The following CDH23 variants were observed in gnomAD, a reference collection of about 807,000 sequenced individuals.
CDH23 encodes the protein cadherin related 23.
In CDH23, 189 loss-of-function variants were observed where a neutral mutation model predicts 317.1. That is an observed-to-expected ratio of 0.60 (90% CI 0.53 to 0.67). CDH23 has a LOEUF of 0.67. Among genes scored for constraint, CDH23 ranks in the 30% least tolerant of loss-of-function variants. CDH23 has a pLI of 0.00. For synonymous variants in CDH23, 1,839 were observed against 1,876.8 expected, an observed-to-expected ratio of 0.98 and a Z score of 0.52; for missense variants, 4,401 against 4,592.4, an observed-to-expected ratio of 0.96 and a Z score of 1.20.
intron 38 of CDH23, among the ~76,000 whole-genome samples, chr10:71,759,846 C>CACACACACACACACATATAT (rs776230069): frequency 3.3e-5 from 2 of 59,932 alleles, no homozygotes; most frequent in African/African-American, 1.2e-4. Flanking sequence ...CACACACACA[C>CACACACACACACACATATAT]ATATACACAC....
chr10:71,418,167 G>A (rs1848610086), intron 1 of CDH23, among the ~76,000 whole-genome samples: 1 of 151,982 alleles, frequency 6.6e-6, no homozygotes, highest in South Asian at 2.1e-4. Flanking sequence ...AGTCACCTAT[G>A]GGCTTGTTTT....
In CDH23 at chr10:71,808,013, G is replaced by T. The variant is rs2132990850; in HGVS notation, c.8722+6G>T. On this transcript the variant is annotated splice_donor_region_variant and intron_variant, in intron 60 of 69. Transcript: ENST00000224721. ...GGGCCAGGTCTTCACCATGGGTAGGGCCTGGCAGCACATGAGTGGCCTCTA... is the reference window on the plus strand; with the variant it reads ...GGGCCAGGTCTTCACCATGGGTAGGTCCTGGCAGCACATGAGTGGCCTCTA... 6.3e-6 allele frequency: 10 copies of T among 1,577,262 alleles called. No individual in the cohort carries two copies. The highest frequency in any genetic ancestry group is 8.6e-6 in the Non-Finnish European group (10 of 1,161,058).
intron 11 of CDH23, among the ~76,000 whole-genome samples, chr10:71,625,328 A>T (rs1472781798): frequency 7.1e-6 from 1 of 140,446 alleles, no homozygotes; most frequent in Admixed American, 7.5e-5. Context: ...CATTTATTTG[A>T]GGGGCATAGA....
intron 28 of CDH23, among the ~76,000 whole-genome samples, chr10:71,723,128 A>G (rs1392285659): frequency 1.3e-5 from 2 of 152,210 alleles, no homozygotes; most frequent in East Asian, 3.8e-4. Flanking sequence ...AAGAAGGGGC[A>G]GACCCAAAAG....
At chr10:71,553,982 C>T (rs1428529948) in intron 6 of CDH23, among the ~76,000 whole-genome samples, 1 of 152,220 alleles carries the variant, frequency 6.6e-6, no homozygotes, top group African/African-American at 2.4e-5. Flanking sequence ...GACCTTCCCA[C>T]CATAAGTAAC....
At chr10:71,776,349 G>A (rs529596741) in intron 38 of CDH23, among the ~76,000 whole-genome samples, 1 of 152,244 alleles carries the variant, frequency 6.6e-6, no homozygotes, top group Admixed American at 6.5e-5. Context: ...CAGTCCCAAG[G>A]AAAAAACCAT....
Position 71,536,537 on chromosome 10 carries a change from G to A in CDH23, c.429+25325G>A, listed in dbSNP as rs531256069. On this transcript the variant is annotated intron_variant, in intron 6 of 69. Coordinates refer to ENST00000224721, the MANE Select transcript of CDH23 (RefSeq NM_022124.6). The stretch of plus-strand genomic sequence containing the variant: ...AATGAGAGTAGGCTGGGAGGAGGAC[G>A]ATCACGAAAACAGGAAATGAGTGGA... Among the ~76,000 whole-genome samples, 38 of 152,312 alleles carry A rather than the reference G, an allele frequency of 2.5e-4. No homozygotes were observed. In the South Asian group the frequency reaches 6.4e-3, roughly 26 times the overall value.
rs1240329145 is a variant in CDH23 at position 71,799,204 on chromosome 10, C to A, written c.7148C>A (p.Ala2383Glu). The change falls in exon 51 of 70, where the codon GCA becomes GAA. Residue 2383 changes from alanine to glutamate, a missense_variant. Transcript: ENST00000224721. ...TCAGACAACGGGTCCCCGCCCCGGG[C>A]AGCTGAGATCCCTGTCTACCTGGAA... ...RASDNGSPPR[A>E]AEIPVYLEIV... is the part of the protein sequence containing the mutation. 3.1e-6 allele frequency: 5 copies of A among 1,613,932 alleles called. No homozygotes were observed. Among genetic ancestry groups the A allele is most frequent in the Non-Finnish European group, 4.2e-6 (5 of 1,179,902 alleles).
rs751858237 is a variant in CDH23 at position 71,739,627 on chromosome 10, C to T, written c.4360-17C>T. ...CCTCCACACCTGCTCACCCCTCACCCTCTCTTCTCCCCACAGGTGGTCTTC... is the reference window on the plus strand; with the variant it reads ...CCTCCACACCTGCTCACCCCTCACCTTCTCTTCTCCCCACAGGTGGTCTTC... On this transcript the variant is annotated splice_polypyrimidine_tract_variant and intron_variant, in intron 35 of 69. Transcript: ENST00000224721. The T allele has an allele frequency of 1.2e-5, 19 of 1,611,376 alleles. No individual in the cohort carries two copies. The Admixed American group carries it at 1.7e-4, about 14-fold the overall frequency.
intron 30 of CDH23, among the ~76,000 whole-genome samples, chr10:71,728,579 G>T (rs573642658): frequency 1.3e-5 from 2 of 152,140 alleles, no homozygotes; most frequent in African/African-American, 4.8e-5. Flanking sequence ...AGACACACAC[G>T]CCTCTGCTGC....
At chr10:71,484,278 C>T (rs1442906399) in intron 3 of CDH23, among the ~76,000 whole-genome samples, 6 of 152,334 alleles carry the variant, frequency 3.9e-5, no homozygotes, top group Admixed American at 6.5e-5. Flanking sequence ...GTGGTAGGGA[C>T]GCAGATAAGC....
chr10:71,741,701 G>A lies in CDH23; in HGVS notation c.4625G>A (p.Gly1542Asp), dbSNP rs781339262. ...GYNVSVNENV[G>D]GGTAVVQVRA... Reference sequence around the variant, plus strand: ...CTCCTGCTCTCCTCCCAGAACGTGGGTGGAGGTACTGCTGTGGTCCAGGTG... The same window carrying A: ...CTCCTGCTCTCCTCCCAGAACGTGGATGGAGGTACTGCTGTGGTCCAGGTG... Residue 1542 changes from glycine to aspartate, a missense_variant, in exon 38 of 70, where the codon GGT becomes GAT. Gly to Asp is a moderately conservative substitution (Grantham distance 94). Transcript: ENST00000224721. 110 of 1,608,182 alleles carry A rather than the reference G, an allele frequency of 6.8e-5. 1 individual carries two copies. The highest frequency in any genetic ancestry group is 5.7e-5 in the Non-Finnish European group (67 of 1,177,262).
In CDH23 at chr10:71,524,152, A is replaced by G. The variant is rs115024282; in HGVS notation, c.429+12940A>G. ...TAATTACTCACATATATGCAGGACT[A>G]TTTGATCACTGTTAGCTTCTTACGG... On this transcript the variant is annotated intron_variant, in intron 6 of 69. Coordinates refer to ENST00000224721, the MANE Select transcript of CDH23 (RefSeq NM_022124.6). 1.7e-3 allele frequency among the ~76,000 whole-genome samples: 262 copies of G among 152,334 alleles called. 2 individuals carry two copies. Among genetic ancestry groups the G allele is most frequent in the African/African-American group, 6.1e-3 (253 of 41,560 alleles).
chr10:71,437,523 G>T (rs1849672140), intron 1 of CDH23, among the ~76,000 whole-genome samples: 1 of 152,210 alleles, frequency 6.6e-6, no homozygotes, highest in Non-Finnish European at 1.5e-5. Context: ...CAAGTTTCTT[G>T]TATGTAGAGG....
rs546480198 is a variant in CDH23, at chr10:71,808,473, C to T, written c.8722+466C>T. Among the ~76,000 whole-genome samples, 19 of 152,334 alleles carry T rather than the reference C, an allele frequency of 1.2e-4. No individual in the cohort carries two copies. In the East Asian group the frequency reaches 2.5e-3, roughly 20 times the overall value. On this transcript the variant is annotated intron_variant, in intron 60 of 69. Transcript: ENST00000224721. ...TGCCTGTTTTTTCAGTTGCGCACAT[C>T]GCCTTCCCCTATGTCAGGCATTGTG... is the stretch of plus-strand genomic sequence containing the variant.
At chr10:71,452,159 T>C (rs1032082728) in intron 3 of CDH23, among the ~76,000 whole-genome samples, 5 of 152,180 alleles carry the variant, frequency 3.3e-5, no homozygotes, top group Admixed American at 3.3e-4. Flanking sequence ...CTTGGGGCCC[T>C]GAGCCATGGC....
intron 3 of CDH23, among the ~76,000 whole-genome samples, chr10:71,485,529 A>G (rs1258205300): frequency 6.6e-6 from 1 of 152,164 alleles, no homozygotes; most frequent in Non-Finnish European, 1.5e-5. Flanking sequence ...TCTTTGTTTG[A>G]GAGGATATTC....
At chr10:71,810,707 G>C (rs1002015521) in intron 62 of CDH23, 138 bp downstream of exon 62, 3 of 763,620 alleles carry the variant, frequency 3.9e-6, no homozygotes. Flanking sequence ...CCCAGACTGG[G>C]GCAGGGCTAG....
At chr10:71,691,985 A>G (rs1167545166) in intron 20 of CDH23, among the ~76,000 whole-genome samples, 1 of 152,156 alleles carries the variant, frequency 6.6e-6, no homozygotes, top group Non-Finnish European at 1.5e-5. Context: ...CCCAGCTCTC[A>G]GGAGCTTCCC....
Sources: gnomAD v4.1 joint callset for allele counts (sites outside exome capture counted in the v4.1 genomes callset) on GRCh38, gnomAD v4.1.1 for gene constraint, MANE v1.5 for transcripts, NCBI Gene and HGNC (gene_info 2026-07-23, HGNC 2026-07-21) for gene names.